The following RABEP1 variants were observed in gnomAD, a reference collection of about 807,000 sequenced individuals.
RABEP1 encodes the protein rabaptin, RAB GTPase binding effector protein 1.
RABEP1 carries 51 observed loss-of-function variants against 123.4 expected under a neutral mutation model. That is an observed-to-expected ratio of 0.41 (90% CI 0.33 to 0.52). The LOEUF (loss-of-function observed/expected upper bound fraction) is 0.52. Among genes scored for constraint, RABEP1 ranks in the 20% least tolerant of loss-of-function variants. The pLI, the probability that RABEP1 is intolerant of heterozygous loss-of-function variation, is 0.16. For synonymous variants in RABEP1, 347 were observed against 355.2 expected (o/e 0.98, Z 0.26); for missense variants, 888 against 996.3 (o/e 0.89, Z 1.46).
At chr17:5,294,365 CAGTG>C (rs766014247) in intron 1 of RABEP1, among the ~76,000 whole-genome samples, 2 of 151,878 alleles carry the variant, frequency 1.3e-5, no homozygotes, top group Non-Finnish European at 2.9e-5. Context: ...GCCTGGGTGA[CAGTG>C]AGACTCCAAC....
intron 11 of RABEP1, among the ~76,000 whole-genome samples, chr17:5,365,865 A>C (rs1567546920): frequency 6.6e-6 from 1 of 152,212 alleles, no homozygotes; most frequent in Non-Finnish European, 1.5e-5. Flanking sequence ...GTTCATTTTC[A>C]TTGTTGAATA....
intron 5 of RABEP1, 67 bp from the exon 6 acceptor site, chr17:5,346,723 C>A: frequency 1.5e-6 from 2 of 1,308,480 alleles, no homozygotes; most frequent in East Asian, 2.6e-5. Context: ...CAGAACTTAC[C>A]ATCATTCTGT....
chr17:5,291,372 A>G (rs996201634), intron 1 of RABEP1, among the ~76,000 whole-genome samples: 10 of 152,198 alleles, frequency 6.6e-5, no homozygotes, highest in African/African-American at 2.4e-4. Flanking sequence ...AGATCGTGCC[A>G]TTGCACTCCA....
At chr17:5,346,690 T>C in intron 5 of RABEP1, 100 bp from the exon 6 acceptor site, 2 of 733,666 alleles carry the variant, frequency 2.7e-6, no homozygotes, top group Non-Finnish European at 2.0e-6. Flanking sequence ...TAAAAGTAAG[T>C]GTAAATTTTT....
chr17:5,361,809 G>A (rs1013260794), intron 9 of RABEP1, 134 bp downstream of exon 9: 9 of 706,224 alleles, frequency 1.3e-5, no homozygotes, highest in Middle Eastern at 3.8e-4. Context: ...GGATATTAAC[G>A]TGTGTCACCT....
intron 3 of RABEP1, among the ~76,000 whole-genome samples, chr17:5,334,395 C>G (rs914885315): frequency 2.0e-5 from 3 of 152,058 alleles, no homozygotes; most frequent in Non-Finnish European, 4.4e-5. Flanking sequence ...CCACGCCCAG[C>G]TAATTTTTGT....
chr17:5,377,389 G>A, intron 14 of RABEP1, 84 bp downstream of exon 14: 1 of 1,078,602 alleles, frequency 9.3e-7, no homozygotes, highest in Non-Finnish European at 1.3e-6. Context: ...CATGGAGTCT[G>A]GAACACAGAA....
intron 1 of RABEP1, among the ~76,000 whole-genome samples, chr17:5,289,321 T>A (rs986955885): frequency 1.3e-5 from 2 of 151,948 alleles, no homozygotes; most frequent in African/African-American, 4.8e-5. Context: ...ATTAGCCCTT[T>A]GGTATGTGTT....
intron 9 of RABEP1, 99 bp downstream of exon 9, chr17:5,361,774 G>A: frequency 2.0e-6 from 2 of 1,022,314 alleles, no homozygotes; most frequent in Non-Finnish European, 2.8e-6. Context: ...CCTGGAGTCA[G>A]TGCAGGCACA....
intron 1 of RABEP1, among the ~76,000 whole-genome samples, chr17:5,291,499 A>G (rs905411710): frequency 6.6e-6 from 1 of 152,254 alleles, no homozygotes; most frequent in African/African-American, 2.4e-5. Context: ...ACAAATAAAA[A>G]TATTTTAAAA....
At position 5,331,970 on chromosome 17, in the gene RABEP1, C is replaced by T. The variant is rs1906588457; in HGVS notation, c.185C>T (p.Ala62Val). ...AKEEDLKRQN[A>V]VLQAAQDDLG... is the part of the protein sequence containing the mutation. ...CCAGAGGATCTGAAGAGGCAAAATG[C>T]AGTATTACAAGCTGCACAAGATGAT... Residue 62 changes from alanine (A) to valine (V), a missense_variant, in exon 3 of 18, where the codon GCA becomes GTA. Physicochemically the swap from Ala to Val is moderately conservative, Grantham distance 64. Coordinates refer to ENST00000537505, the MANE Select transcript of RABEP1 (RefSeq NM_004703.6). 6.2e-7 allele frequency: 1 copy of T among 1,613,858 alleles called. No individual in the cohort carries two copies. Among genetic ancestry groups the T allele is most frequent in the South Asian group, 1.1e-5 (1 of 91,068 alleles).
Position 5,290,016 on chromosome 17 carries a change from C to G in RABEP1, c.34+7496C>G, listed in dbSNP as rs116009867. ...CTAAAATATCTCCATTTATCATATGCTAGGTTTTTATCCACTGAAGTTTGA... is the reference window on the plus strand; with the variant it reads ...CTAAAATATCTCCATTTATCATATGGTAGGTTTTTATCCACTGAAGTTTGA... On this transcript the variant is annotated intron_variant, in intron 1 of 17. Transcript: ENST00000537505. Among the ~76,000 whole-genome samples the G allele has an allele frequency of 2.8e-3, 430 of 152,254 alleles. 1 individual carries two copies. Among genetic ancestry groups the G allele is most frequent in the African/African-American group, 1.0e-2 (414 of 41,550 alleles).
intron 13 of RABEP1, among the ~76,000 whole-genome samples, chr17:5,373,693 AACACACACACAC>A (rs55736303): frequency 0.015 from 2,028 of 135,318 alleles, 30 homozygotes; most frequent in East Asian, 0.068. Context: ...ACACCAGCTA[AACACACACACAC>A]ACACACACAC....
chr17:5,342,903 G>T (rs1907738113), intron 5 of RABEP1, among the ~76,000 whole-genome samples: 1 of 152,194 alleles, frequency 6.6e-6, no homozygotes, highest in Non-Finnish European at 1.5e-5. Flanking sequence ...ACCTATATAT[G>T]TGTAAATTTG....
intron 2 of RABEP1, among the ~76,000 whole-genome samples, chr17:5,317,020 C>G (rs56209909): frequency 6.6e-6 from 1 of 151,936 alleles, no homozygotes; most frequent in African/African-American, 2.4e-5. Flanking sequence ...TTCTCCTGCC[C>G]TAGCCTCCTG....
intron 1 of RABEP1, among the ~76,000 whole-genome samples, chr17:5,296,289 G>A (rs2075082985): frequency 6.6e-6 from 1 of 152,122 alleles, no homozygotes; most frequent in Non-Finnish European, 1.5e-5. Context: ...TTAAGGCAGA[G>A]TTTCATTCTT....
At chr17:5,302,591 C>CTT (rs546960637) in intron 1 of RABEP1, among the ~76,000 whole-genome samples, 94 of 123,398 alleles carry the variant, frequency 7.6e-4, no homozygotes, top group African/African-American at 1.1e-3. Context: ...ATTTTTTAGA[C>CTT]TTTTTTTTTT....
At chr17:5,287,665 A>G (rs1025177108) in intron 1 of RABEP1, among the ~76,000 whole-genome samples, 1 of 151,018 alleles carries the variant, frequency 6.6e-6, no homozygotes, top group East Asian at 1.9e-4. Flanking sequence ...CATACCTGTA[A>G]TCTCAACACT....
chr17:5,315,588 C>A (rs553575173), intron 2 of RABEP1, among the ~76,000 whole-genome samples: 1 of 152,222 alleles, frequency 6.6e-6, no homozygotes, highest in Non-Finnish European at 1.5e-5. Context: ...TGGTGGCTCA[C>A]GCCTGTAATC....
Sources: gnomAD v4.1 joint callset for allele counts (sites outside exome capture counted in the v4.1 genomes callset) on GRCh38, gnomAD v4.1.1 for gene constraint, MANE v1.5 for transcripts, NCBI Gene and HGNC (gene_info 2026-07-23, HGNC 2026-07-21) for gene names.